The following CDK14 variants were observed in gnomAD, a reference collection of about 807,000 sequenced individuals.
The protein encoded by CDK14 is cyclin dependent kinase 14.
CDK14 carries 34 observed loss-of-function variants against 60.7 expected under a neutral mutation model. That is an observed-to-expected ratio of 0.56 (90% CI 0.43 to 0.75). CDK14 has a LOEUF of 0.75. Ranked by LOEUF, CDK14 falls within the 30% of genes least tolerant of loss-of-function variation. CDK14 has a pLI of 0.00. For synonymous variants in CDK14, 197 were observed against 203.7 expected (o/e 0.97, Z 0.28); for missense variants, 482 against 564.1 (o/e 0.85, Z 1.47).
chr7:91,135,840 C>T (rs1388927324), intron 14 of CDK14, among the ~76,000 whole-genome samples: 1 of 152,016 alleles, frequency 6.6e-6, no homozygotes, highest in Non-Finnish European at 1.5e-5. Flanking sequence ...ACCCAAGCAC[C>T]CTTTGTTCTT....
chr7:90,599,596 G>A (rs1179555633), intron 1 of CDK14, among the ~76,000 whole-genome samples: 3 of 152,204 alleles, frequency 2.0e-5, no homozygotes, highest in Non-Finnish European at 4.4e-5. Flanking sequence ...GGCTGTCATT[G>A]TTCCTTGCAA....
chr7:90,663,416 A>G (rs376359488), intron 2 of CDK14, among the ~76,000 whole-genome samples: 8 of 152,232 alleles, frequency 5.3e-5, no homozygotes, highest in African/African-American at 1.9e-4. Context: ...GAGCAGGGAG[A>G]GTGGGGCTCC....
chr7:90,989,553 A>G (rs1301359434), intron 10 of CDK14, among the ~76,000 whole-genome samples: 1 of 152,190 alleles, frequency 6.6e-6, no homozygotes, highest in Non-Finnish European at 1.5e-5. Context: ...TGACCATGAA[A>G]ATCAAGGCAG....
At chr7:91,190,973 G>T (rs146779446) in intron 14 of CDK14, among the ~76,000 whole-genome samples, 8 of 152,260 alleles carry the variant, frequency 5.3e-5, no homozygotes, top group African/African-American at 1.9e-4. Flanking sequence ...TCTCATACGT[G>T]TCTGACCAGA....
intron 8 of CDK14, among the ~76,000 whole-genome samples, chr7:90,937,705 T>G (rs964230501): frequency 1.4e-4 from 21 of 152,326 alleles, no homozygotes; most frequent in African/African-American, 5.1e-4. Context: ...AAATCTGTTG[T>G]TTCAATGAAA....
rs144495271 is a variant in CDK14 at position 90,694,500 on chromosome 7, G to A, written c.124-32067G>A. 3.5e-3 allele frequency among the ~76,000 whole-genome samples: 528 copies of A among 152,194 alleles called. 5 individuals carry two copies. Among genetic ancestry groups the A allele is most frequent in the African/African-American group, 0.012 (510 of 41,538 alleles). ...ATACAGGACTTTTAATATGCCCCTT[G>A]TCTAGACCAACTGAACTTTATTTTA... On this transcript the variant is annotated intron_variant, in intron 2 of 14. Transcript: ENST00000380050.
At position 90,849,289 on chromosome 7, in the gene CDK14, A is replaced by G. The variant is rs554577219; in HGVS notation, c.545-13886A>G. ...TGCTGCTCGCTCTTCACCTCCTGCC[A>G]TGACAGAAATCTTCCTGAGGCCTCA... On this transcript the variant is annotated intron_variant, in intron 5 of 14. Transcript: ENST00000380050. Among the ~76,000 whole-genome samples, 8 of 150,794 alleles carry G rather than the reference A, an allele frequency of 5.3e-5. No homozygotes were observed. The South Asian group carries it at 1.2e-3, about 23-fold the overall frequency.
At chr7:90,944,174 TC>T (rs1161253345) in intron 8 of CDK14, among the ~76,000 whole-genome samples, 3 of 152,208 alleles carry the variant, frequency 2.0e-5, no homozygotes, top group African/African-American at 7.2e-5. Flanking sequence ...ATTTTGGACT[TC>T]CAAGCCTCCA....
At chr7:90,697,301 C>CTA (rs960249843) in intron 2 of CDK14, among the ~76,000 whole-genome samples, 5 of 152,114 alleles carry the variant, frequency 3.3e-5, no homozygotes, top group African/African-American at 7.2e-5. Context: ...TCTACAGTCG[C>CTA]TATAACATGA....
chr7:90,928,274 G>A (rs542977109), intron 8 of CDK14, among the ~76,000 whole-genome samples: 23 of 152,314 alleles, frequency 1.5e-4, no homozygotes, highest in African/African-American at 3.4e-4. Flanking sequence ...GATGAACTGC[G>A]TTCCTTTGGA....
intron 5 of CDK14, among the ~76,000 whole-genome samples, chr7:90,797,672 T>C (rs961481602): frequency 1.3e-5 from 2 of 151,968 alleles, no homozygotes; most frequent in South Asian, 2.1e-4. Context: ...CAGCATCTTC[T>C]GGAGAGGCCT....
At chr7:90,957,798 A>G (rs1024259421) in intron 9 of CDK14, among the ~76,000 whole-genome samples, 28 of 152,136 alleles carry the variant, frequency 1.8e-4, no homozygotes, top group Admixed American at 3.9e-4. Flanking sequence ...TACAGATTCA[A>G]TGCCATCCCC....
At chr7:91,095,084 G>A (rs748094131) in intron 12 of CDK14, among the ~76,000 whole-genome samples, 36 of 152,204 alleles carry the variant, frequency 2.4e-4, no homozygotes, top group Non-Finnish European at 4.3e-4. Context: ...TTATCTTCTA[G>A]AGTAGCGAGG....
intron 2 of CDK14, among the ~76,000 whole-genome samples, chr7:90,668,482 T>C (rs1801028861): frequency 1.3e-5 from 2 of 152,186 alleles, no homozygotes; most frequent in South Asian, 4.1e-4. Flanking sequence ...CTTAATGTTA[T>C]ACTTTGAAGT....
At chr7:90,788,467 G>A (rs1472120118) in intron 4 of CDK14, among the ~76,000 whole-genome samples, 2 of 152,156 alleles carry the variant, frequency 1.3e-5, no homozygotes, top group African/African-American at 4.8e-5. Flanking sequence ...ATATACTCAG[G>A]AGAAGAAGTT....
chr7:90,945,485 C>A (rs894077571), intron 8 of CDK14, among the ~76,000 whole-genome samples: 95 of 152,274 alleles, frequency 6.2e-4, no homozygotes, highest in African/African-American at 2.2e-3. Context: ...CACTACTCCT[C>A]CGGGGAGAAT....
At chr7:90,939,127 C>T (rs1003800428) in intron 8 of CDK14, among the ~76,000 whole-genome samples, 2 of 152,138 alleles carry the variant, frequency 1.3e-5, no homozygotes, top group Non-Finnish European at 2.9e-5. Context: ...GATTCTGTAA[C>T]TCAAATTTGT....
chr7:90,894,089 C>T (rs923615260), intron 6 of CDK14, among the ~76,000 whole-genome samples: 6 of 152,252 alleles, frequency 3.9e-5, no homozygotes, highest in East Asian at 1.9e-4. Context: ...CCTCTAAACA[C>T]GCTACAGAAA....
chr7:91,013,742 A>G (rs1034733544), intron 10 of CDK14, among the ~76,000 whole-genome samples: 1 of 149,602 alleles, frequency 6.7e-6, no homozygotes, highest in Admixed American at 6.7e-5. Context: ...GAGTTAGGAG[A>G]ATCATAGTGT....
Sources: gnomAD v4.1 joint callset for allele counts (sites outside exome capture counted in the v4.1 genomes callset) on GRCh38, gnomAD v4.1.1 for gene constraint, MANE v1.5 for transcripts, NCBI Gene and HGNC (gene_info 2026-07-23, HGNC 2026-07-21) for gene names.